CCDC180: variants seen among roughly 807,000 people sequenced by gnomAD.
CCDC180 encodes the protein coiled-coil domain containing 180.
In CCDC180, 154 loss-of-function variants were observed where a neutral mutation model predicts 209.2. The observed-to-expected ratio is 0.74, with a 90% confidence interval of 0.65 to 0.84. The LOEUF (loss-of-function observed/expected upper bound fraction) is 0.84, where lower values mean the gene tolerates loss of function less well. Ranked by LOEUF, CCDC180 falls within the 40% of genes least tolerant of loss-of-function variation. The probability of loss-of-function intolerance (pLI) is 0.00; values close to 1 mark genes in which losing one functional copy is unlikely to be tolerated. For synonymous variants in CCDC180, 778 were observed against 749.1 expected (o/e 1.04, Z -0.63); for missense variants, 1,874 against 1,997.3 (o/e 0.94, Z 1.18).
chr9:97,308,389 G>C (rs1325561196), intron 2 of CCDC180, among the ~76,000 whole-genome samples: 3 of 152,040 alleles, frequency 2.0e-5, no homozygotes, highest in Middle Eastern at 3.2e-3. Flanking sequence ...GGAACCACTG[G>C]GTGACCTCTG....
intron 9 of CCDC180, 50 bp downstream of exon 9, chr9:97,317,278 A>G: frequency 1.4e-6 from 2 of 1,459,626 alleles, no homozygotes; most frequent in Non-Finnish European, 1.8e-6. Flanking sequence ...GGGGGCTGGC[A>G]AAGGGTAGGG....
At chr9:97,368,260 A>AC (rs1217746440) in intron 31 of CCDC180, among the ~76,000 whole-genome samples, 1 of 152,180 alleles carries the variant, frequency 6.6e-6, no homozygotes, top group Non-Finnish European at 1.5e-5. Flanking sequence ...GAAAATAGAA[A>AC]CTCTGAGTGA....
chr9:97,364,188 CA>C, intron 29 of CCDC180, 60 bp downstream of exon 29: 1 of 1,497,998 alleles, frequency 6.7e-7, no homozygotes, highest in Non-Finnish European at 9.2e-7. Flanking sequence ...GCAGGGGCAG[CA>C]AATGTGACTC....
chr9:97,373,177 A>C (rs1440032603), intron 34 of CCDC180: 1 of 152,068 alleles, frequency 6.6e-6, no homozygotes, highest in Non-Finnish European at 1.5e-5. Context: ...GATCCCTAAA[A>C]CCTTTTTTCT....
At position 97,359,983 on chromosome 9, in the gene CCDC180, C is replaced by T; in HGVS notation, c.3365C>T (p.Thr1122Ile). Residue 1122 changes from threonine (T) to isoleucine (I), a missense_variant and splice_region_variant, in exon 26 of 37, where the codon ACA becomes ATA. Thr to Ile is a moderately conservative substitution (Grantham distance 89). Coordinates refer to ENST00000529487, the MANE Select transcript of CCDC180 (RefSeq NM_020893.6). ...TCQESRGEKTTVTTEELLSFV... is the reference protein window; with the variant it reads ...TCQESRGEKTIVTTEELLSFV... Reference sequence around the variant, plus strand: ...TTTCTTCCTCCCTTTTCTCACCAGACAGTGACCACAGAAGAACTCCTCAGC... The same window carrying T: ...TTTCTTCCTCCCTTTTCTCACCAGATAGTGACCACAGAAGAACTCCTCAGC... 2 of 1,613,774 alleles carry T rather than the reference C, an allele frequency of 1.2e-6. No individual in the cohort carries two copies. The highest frequency in any genetic ancestry group is 1.7e-6 in the Non-Finnish European group (2 of 1,179,796).
intron 11 of CCDC180, 62 bp from the exon 12 acceptor site, chr9:97,322,771 C>T: frequency 1.4e-6 from 2 of 1,412,274 alleles, no homozygotes; most frequent in Non-Finnish European, 1.0e-6. Flanking sequence ...GCAAAGGGGA[C>T]ACTCCCCTTT....
intron 15 of CCDC180, 79 bp downstream of exon 15, chr9:97,326,748 G>A: frequency 1.2e-6 from 1 of 864,072 alleles, no homozygotes; most frequent in South Asian, 1.4e-5. Flanking sequence ...CTGCCCAAGA[G>A]CCCAGGAGCC....
chr9:97,311,078 G>A (rs773164392), intron 3 of CCDC180, among the ~76,000 whole-genome samples: 1 of 152,146 alleles, frequency 6.6e-6, no homozygotes, highest in African/African-American at 2.4e-5. Flanking sequence ...TTGAAGATTC[G>A]GCCAGCTAAG....
At chr9:97,310,782 T>C (rs1832957738) in intron 3 of CCDC180, among the ~76,000 whole-genome samples, 2 of 152,100 alleles carry the variant, frequency 1.3e-5, no homozygotes, top group Admixed American at 1.3e-4. Context: ...CTCCTGACCC[T>C]CATGCTCTGA....
chr9:97,338,986 C>CT (rs954566396), intron 18 of CCDC180, among the ~76,000 whole-genome samples: 11 of 151,170 alleles, frequency 7.3e-5, no homozygotes, highest in East Asian at 1.9e-4. Context: ...GTAACCCCTG[C>CT]TTTTTTTTTG....
At position 97,330,787 on chromosome 9, in the gene CCDC180, A is replaced by G. The variant is rs1233386003; in HGVS notation, c.2274+20A>G. Reference sequence around the variant, plus strand: ...GGTGAGGTAAGCCAGCAACTGATTCATTCTTGGGCATAGAGAAAGTTTGCT... The same window carrying G: ...GGTGAGGTAAGCCAGCAACTGATTCGTTCTTGGGCATAGAGAAAGTTTGCT... On this transcript the variant is annotated intron_variant, in intron 18 of 36. Transcript: ENST00000529487. The G allele has an allele frequency of 1.9e-6, 3 of 1,576,556 alleles. No individual in the cohort carries two copies. Among genetic ancestry groups the G allele is most frequent in the Non-Finnish European group, 2.6e-6 (3 of 1,169,490 alleles).
intron 14 of CCDC180, among the ~76,000 whole-genome samples, chr9:97,325,726 A>C (rs571850362): frequency 6.6e-6 from 1 of 152,352 alleles, no homozygotes; most frequent in East Asian, 1.9e-4. Context: ...GTGATGGCAC[A>C]TAGGTCCCTG....
Position 97,375,606 on chromosome 9 carries a change from T to A in CCDC180, c.4842+17T>A. 6.2e-7 allele frequency: 1 copy of A among 1,613,682 alleles called. No homozygotes were observed. The highest frequency in any genetic ancestry group is 8.5e-7 in the Non-Finnish European group (1 of 1,179,894). ...GTGTACCTGGTGAGACAGGGTGGAGTGGGCGTGTCCCAGGGAGCACAGCTC... is the reference window on the plus strand; with the variant it reads ...GTGTACCTGGTGAGACAGGGTGGAGAGGGCGTGTCCCAGGGAGCACAGCTC... On this transcript the variant is annotated intron_variant, in intron 36 of 36. Coordinates refer to ENST00000529487, the MANE Select transcript of CCDC180 (RefSeq NM_020893.6).
In CCDC180 at chr9:97,374,648, G is replaced by C; in HGVS notation, c.4706G>C (p.Arg1569Thr). Residue 1569 changes from arginine to threonine, a missense_variant and splice_region_variant, in exon 35 of 37, where the codon AGG (arginine) becomes ACG (threonine). Physicochemically the swap from Arg to Thr is moderately conservative, Grantham distance 71 (BLOSUM62 -1). Coordinates refer to ENST00000529487, the MANE Select transcript of CCDC180 (RefSeq NM_020893.6). The part of the protein sequence containing the change: ...SEKPLIERGS[R>T]KWPGIKPTEV... ...AAACCCCTGATTGAACGTGGAAGCAGGTGAGAACCAAGAGCAGCAAGGACT... is the reference window on the plus strand; with the variant it reads ...AAACCCCTGATTGAACGTGGAAGCACGTGAGAACCAAGAGCAGCAAGGACT... 1 of 1,612,946 alleles carries C rather than the reference G, an allele frequency of 6.2e-7. No homozygotes were observed. The highest frequency in any genetic ancestry group is 1.3e-5 in the African/African-American group (1 of 75,036).
Position 97,357,764 on chromosome 9 carries a change from T to C in CCDC180, c.3363+39T>C, listed in dbSNP as rs113282227. ...AGATTCTGCATGTGAATAATAAAGA[T>C]ATATCATGCTAAAGTCATAAATGTG... is the stretch of plus-strand genomic sequence containing the variant. On this transcript the variant is annotated intron_variant, in intron 25 of 36. Coordinates refer to ENST00000529487, the MANE Select transcript of CCDC180 (RefSeq NM_020893.6). 671 of 1,413,502 alleles carry C rather than the reference T, an allele frequency of 4.7e-4. 2 individuals are homozygous for C. The African/African-American group carries it at 8.7e-3, about 18-fold the overall frequency. 87.6% of individuals were successfully genotyped at this position (1,413,502 alleles called of 1,614,324 possible). A position where few individuals can be genotyped will look rare whatever the true frequency, so the allele number is the denominator to read the frequency against.
chr9:97,359,659 G>A lies in CCDC180; in HGVS notation c.3364-323G>A, dbSNP rs7025032. ...CAGAGGAGATCCTAGGGAATATTTT[G>A]TGTCCCCATCTTACAGATGGGGAGA... On this transcript the variant is annotated intron_variant, in intron 25 of 36. Transcript: ENST00000529487. Among the ~76,000 whole-genome samples, 433 of 152,204 alleles carry A rather than the reference G, an allele frequency of 2.8e-3. 1 individual carries two copies. Among genetic ancestry groups the A allele is most frequent in the Non-Finnish European group, 4.6e-3 (314 of 67,992 alleles).
At chr9:97,362,563 G>A (rs1284167444) in intron 28 of CCDC180, 122 bp downstream of exon 28, 2 of 1,408,862 alleles carry the variant, frequency 1.4e-6, no homozygotes, top group South Asian at 1.4e-5. Flanking sequence ...ATGGCTCTGG[G>A]ACTCCACGGG....
chr9:97,370,880 C>T, intron 33 of CCDC180, 102 bp downstream of exon 33: 1 of 1,257,732 alleles, frequency 8.0e-7, no homozygotes, highest in Non-Finnish European at 1.1e-6. Flanking sequence ...GTATCTTGCC[C>T]AAAGCAGGCA....
At chr9:97,333,437 A>G (rs540895775) in intron 18 of CCDC180, among the ~76,000 whole-genome samples, 5 of 151,372 alleles carry the variant, frequency 3.3e-5, no homozygotes, top group African/African-American at 1.2e-4. Flanking sequence ...GTTTCAGCAG[A>G]AGTGATACCA....
Sources: allele counts gnomAD v4.1 joint callset (sites outside exome capture counted in the v4.1 genomes callset), GRCh38; gene constraint gnomAD v4.1.1; transcripts MANE v1.5; gene names NCBI Gene and HGNC (gene_info 2026-07-23, HGNC 2026-07-21).